Variants in GRM7 observed in about 807,000 individuals in gnomAD.
The protein encoded by GRM7 is glutamate metabotropic receptor 7.
In GRM7, 35 loss-of-function variants were observed where a neutral mutation model predicts 84.5. The ratio of observed to expected loss-of-function variants is 0.41; its 90% confidence interval spans 0.32 to 0.55. The LOEUF (loss-of-function observed/expected upper bound fraction) is 0.55. Among genes scored for constraint, GRM7 ranks in the 20% least tolerant of loss-of-function variants. The pLI is 0.19. For missense variants in GRM7, 1,003 were observed against 1,194.6 expected (o/e 0.84, Z 2.36); for synonymous variants, 487 against 455.1 (o/e 1.07, Z -0.89).
intron 1 of GRM7, among the ~76,000 whole-genome samples, chr3:6,957,146 G>A (rs1283762457): frequency 6.6e-6 from 1 of 152,124 alleles, no homozygotes; most frequent in Non-Finnish European, 1.5e-5. Flanking sequence ...CCCTGGTGTC[G>A]TTTTGGGACT....
chr3:7,369,083 G>A (rs1694029132), intron 4 of GRM7, among the ~76,000 whole-genome samples: 1 of 152,014 alleles, frequency 6.6e-6, no homozygotes, highest in African/African-American at 2.4e-5. Flanking sequence ...TTAAGAGGCA[G>A]GGTCTTTCTC....
At chr3:7,036,634 C>T (rs571584374) in intron 1 of GRM7, among the ~76,000 whole-genome samples, 12 of 152,056 alleles carry the variant, frequency 7.9e-5, no homozygotes, top group African/African-American at 2.2e-4. Flanking sequence ...GGGTTTTTTT[C>T]GTTAAAATTA....
chr3:7,024,448 TA>T (rs1325357190), intron 1 of GRM7, among the ~76,000 whole-genome samples: 1 of 152,244 alleles, frequency 6.6e-6, no homozygotes, highest in Admixed American at 6.5e-5. Flanking sequence ...AAAGAAAAGT[TA>T]TTTTTTCCCC....
chr3:7,499,501 A>G (rs1206982716), intron 7 of GRM7, among the ~76,000 whole-genome samples: 1 of 152,206 alleles, frequency 6.6e-6, no homozygotes, highest in Admixed American at 6.5e-5. Context: ...CATCAATAAA[A>G]GCTAATGTTT....
At chr3:7,545,416 C>T (rs914335140) in intron 7 of GRM7, among the ~76,000 whole-genome samples, 4 of 152,116 alleles carry the variant, frequency 2.6e-5, no homozygotes, top group African/African-American at 4.8e-5. Flanking sequence ...GCCCCACTAG[C>T]GAAGGAGACA....
At chr3:7,161,827 A>T (rs924840017) in intron 2 of GRM7, among the ~76,000 whole-genome samples, 4 of 152,182 alleles carry the variant, frequency 2.6e-5, no homozygotes, top group Admixed American at 6.6e-5. Context: ...ACAAATAACC[A>T]TATAGCGTTA....
At chr3:7,103,944 A>G (rs1559443858) in intron 1 of GRM7, among the ~76,000 whole-genome samples, 1 of 151,280 alleles carries the variant, frequency 6.6e-6, no homozygotes, top group Non-Finnish European at 1.5e-5. Flanking sequence ...GAATGTTTGT[A>G]GACAATGTTG....
intron 8 of GRM7, among the ~76,000 whole-genome samples, chr3:7,659,093 T>C (rs1355783438): frequency 6.6e-6 from 1 of 152,240 alleles, no homozygotes; most frequent in Non-Finnish European, 1.5e-5. Flanking sequence ...ATATTTCTGT[T>C]GAGCTGTCTC....
At chr3:7,413,172 T>A (rs1269864206) in intron 4 of GRM7, among the ~76,000 whole-genome samples, 3 of 152,184 alleles carry the variant, frequency 2.0e-5, no homozygotes, top group Non-Finnish European at 2.9e-5. Context: ...GAGTGACGGC[T>A]TGATGACTTC....
chr3:7,141,058 T>G (rs1034520627), intron 1 of GRM7, among the ~76,000 whole-genome samples: 1 of 152,116 alleles, frequency 6.6e-6, no homozygotes, highest in African/African-American at 2.4e-5. Flanking sequence ...AGAATGATAC[T>G]AGTTGGTTTT....
intron 7 of GRM7, among the ~76,000 whole-genome samples, chr3:7,493,205 ATGT>A (rs1699584678): frequency 6.6e-6 from 1 of 152,070 alleles, no homozygotes; most frequent in African/African-American, 2.4e-5. Flanking sequence ...TATATTGTTC[ATGT>A]TGTTTATATT....
intron 3 of GRM7, among the ~76,000 whole-genome samples, chr3:7,303,148 G>T (rs887572202): frequency 6.6e-6 from 1 of 151,986 alleles, no homozygotes; most frequent in East Asian, 1.9e-4. Flanking sequence ...CACCATGTTA[G>T]CCAGGATGGT....
chr3:7,276,796 T>TCCC (rs1237423928), intron 2 of GRM7, among the ~76,000 whole-genome samples: 51 of 2,988 alleles, frequency 0.017, 12 homozygotes, highest in Non-Finnish European at 0.027. Context: ...CCTTCCTTCC[T>TCCC]TCCTTCCTTT....
At position 7,188,791 on chromosome 3, in the gene GRM7, T is replaced by C. The variant is rs1695608975; in HGVS notation, c.736+42123T>C. On this transcript the variant is annotated intron_variant, in intron 2 of 9. Transcript: ENST00000357716. This position sits in a 1 kb window ranked among gnomAD's most constrained non-coding sequence, Gnocchi z 4.2. ...TGAGATTCAGCCTCCTTTCCTCCTG[T>C]GGCCCTGATATTCTGTAGTGACTCA... is the stretch of plus-strand genomic sequence containing the variant. 6.6e-6 allele frequency among the ~76,000 whole-genome samples: 1 copy of C among 152,198 alleles called. No individual in the cohort carries two copies. Among genetic ancestry groups the C allele is most frequent in the South Asian group, 2.1e-4 (1 of 4,824 alleles).
chr3:7,691,321 C>T, intron 9 of GRM7: 6 of 1,198,484 alleles, frequency 5.0e-6, no homozygotes, highest in Non-Finnish European at 6.6e-6. Flanking sequence ...TCAGCAACTC[C>T]ATTTTCTGTA....
At chr3:7,445,144 G>A (rs1352137560) in intron 5 of GRM7, among the ~76,000 whole-genome samples, 1 of 152,164 alleles carries the variant, frequency 6.6e-6, no homozygotes, top group Non-Finnish European at 1.5e-5. Flanking sequence ...CCTCCTTGCA[G>A]GAAATTCTGC....
At chr3:7,366,543 T>C (rs530300406) in intron 4 of GRM7, among the ~76,000 whole-genome samples, 1 of 152,068 alleles carries the variant, frequency 6.6e-6, no homozygotes, top group Admixed American at 6.6e-5. Flanking sequence ...ATTTTCTTAT[T>C]AATTTCTAGT....
At chr3:7,074,353 C>G (rs1374784370) in intron 1 of GRM7, among the ~76,000 whole-genome samples, 2 of 152,054 alleles carry the variant, frequency 1.3e-5, no homozygotes, top group Non-Finnish European at 2.9e-5. Flanking sequence ...ATGTGGCAAG[C>G]TTACCAACAG....
chr3:7,129,332 G>T (rs1693513387), intron 1 of GRM7, among the ~76,000 whole-genome samples: 1 of 152,118 alleles, frequency 6.6e-6, no homozygotes, highest in East Asian at 1.9e-4. Context: ...AAGTTCTCTA[G>T]CCTAAAGCTG....
Sources: gnomAD v4.1 joint callset for allele counts (sites outside exome capture counted in the v4.1 genomes callset) on GRCh38, gnomAD v4.1.1 for gene constraint, Gnocchi (gnomAD v3.1) non-coding constraint, MANE v1.5 for transcripts, NCBI Gene and HGNC (gene_info 2026-07-23, HGNC 2026-07-21) for gene names.